Variants in TRPS1 observed in about 807,000 individuals in gnomAD.
The protein encoded by TRPS1 is zinc finger transcription factor Trps1.
In TRPS1, 6 loss-of-function variants were observed where a neutral mutation model predicts 101.2. That is an observed-to-expected ratio of 0.06 (90% CI 0.03 to 0.12). The LOEUF is 0.12. Ranked by LOEUF, TRPS1 falls within the 10% of genes least tolerant of loss-of-function variation. The pLI is 1.00. For missense variants in TRPS1, 1,363 were observed against 1,567.0 expected (o/e 0.87, Z 2.20); for synonymous variants, 578 against 589.8 (o/e 0.98, Z 0.29).
chr8:115,632,119 A>G (rs1452804367), intron 1 of TRPS1, among the ~76,000 whole-genome samples: 1 of 152,130 alleles, frequency 6.6e-6, no homozygotes, highest in Non-Finnish European at 1.5e-5. Context: ...GAGTACCATA[A>G]TCAGTAAAAT....
At chr8:115,661,159 A>G (rs961987544) in intron 1 of TRPS1, among the ~76,000 whole-genome samples, 1 of 152,048 alleles carries the variant, frequency 6.6e-6, no homozygotes, top group Admixed American at 6.6e-5. Flanking sequence ...TGGCATTTTG[A>G]TTTATAATTT....
chr8:115,665,611 C>T (rs1811903739), intron 1 of TRPS1, among the ~76,000 whole-genome samples: 1 of 152,080 alleles, frequency 6.6e-6, no homozygotes, highest in Non-Finnish European at 1.5e-5. Context: ...CACACTGATT[C>T]CGATCCTAAA....
rs67505193 is a variant in TRPS1, at chr8:115,498,415, CTATATATATATA to C, written c.2701-79975_2701-79964del. Among the ~76,000 whole-genome samples, 301 of 39,282 alleles carry C rather than the reference CTATATATATATA, an allele frequency of 7.7e-3. 5 individuals carry two copies. Among genetic ancestry groups the C allele is most frequent in the Middle Eastern group, 0.025 (1 of 40 alleles). The allele number at this position is 39,282 out of a possible 152,430, so 25.8% of individuals were successfully genotyped here. On this transcript the variant is annotated intron_variant, in intron 5 of 6. Coordinates refer to ENST00000395715, the MANE Select transcript of TRPS1 (RefSeq NM_014112.5). ...TCTCTCTCTCTCTCTCTCTCTCTCT[CTATATATATATA>C]TATATATATATATATATATATATAG...
chr8:115,652,085 G>T (rs765399308), intron 1 of TRPS1, among the ~76,000 whole-genome samples: 3 of 152,172 alleles, frequency 2.0e-5, no homozygotes, highest in Non-Finnish European at 4.4e-5. Context: ...AAAGTGCATA[G>T]ATTAAGAGAA....
At chr8:115,562,162 C>A (rs1296043547) in intron 5 of TRPS1, among the ~76,000 whole-genome samples, 1 of 151,880 alleles carries the variant, frequency 6.6e-6, no homozygotes, top group Non-Finnish European at 1.5e-5. Flanking sequence ...TCTTAACAAA[C>A]ATTGTAATTT....
intron 5 of TRPS1, among the ~76,000 whole-genome samples, chr8:115,529,475 A>G (rs1816079112): frequency 6.6e-6 from 1 of 152,140 alleles, no homozygotes; most frequent in Non-Finnish European, 1.5e-5. Context: ...AAATCACTGA[A>G]AAAGATTACT....
intron 5 of TRPS1, among the ~76,000 whole-genome samples, chr8:115,494,785 C>A (rs1015214685): frequency 6.6e-6 from 1 of 152,118 alleles, no homozygotes; most frequent in Non-Finnish European, 1.5e-5. Context: ...CAATATTACC[C>A]CAATTCTGAT....
chr8:115,464,053 GTAGT>G (rs1265052185), intron 5 of TRPS1, among the ~76,000 whole-genome samples: 2 of 150,804 alleles, frequency 1.3e-5, no homozygotes, highest in African/African-American at 4.9e-5. Flanking sequence ...TTACCTCTTA[GTAGT>G]TAGTACTTAG....
chr8:115,466,265 A>G (rs1321181800), intron 5 of TRPS1, among the ~76,000 whole-genome samples: 1 of 152,162 alleles, frequency 6.6e-6, no homozygotes, highest in South Asian at 2.1e-4. Flanking sequence ...GGATGATAGC[A>G]CTAATTATAT....
rs1239819974 is a variant in TRPS1, at chr8:115,452,298, A to T, written c.2701-33846T>A. On this transcript the variant is annotated intron_variant, in intron 5 of 6. Transcript: ENST00000395715. ...ACAATGTTTATAACTTTTACAGTCA[A>T]GCCTGGCTGCACATCTGCACAACAT... 2.0e-5 allele frequency among the ~76,000 whole-genome samples: 3 copies of T among 152,220 alleles called. No homozygotes were observed. The East Asian group carries it at 5.8e-4, about 29-fold the overall frequency.
intron 5 of TRPS1, among the ~76,000 whole-genome samples, chr8:115,514,726 C>A (rs1011527644): frequency 2.0e-5 from 3 of 151,396 alleles, no homozygotes; most frequent in African/African-American, 7.3e-5. Flanking sequence ...TATTACATGA[C>A]GCAATTCCAA....
At chr8:115,493,855 C>T (rs1441738148) in intron 5 of TRPS1, among the ~76,000 whole-genome samples, 3 of 151,986 alleles carry the variant, frequency 2.0e-5, no homozygotes, top group Middle Eastern at 3.4e-3. Context: ...TAAATAGATG[C>T]GTACATTAGT....
In TRPS1 at chr8:115,491,892, C is replaced by T. The variant is rs563348931; in HGVS notation, c.2701-73440G>A. On this transcript the variant is annotated intron_variant, in intron 5 of 6. Coordinates refer to ENST00000395715, the MANE Select transcript of TRPS1 (RefSeq NM_014112.5). The stretch of plus-strand genomic sequence containing the variant: ...GTATTTGAATGAATCCAAATACAAA[C>T]GAGTTAATATAAATTTTTATGATAA... 5.3e-5 allele frequency among the ~76,000 whole-genome samples: 8 copies of T among 152,002 alleles called. No individual in the cohort carries two copies. The East Asian group carries it at 7.7e-4, about 15-fold the overall frequency.
In TRPS1 at chr8:115,604,353, T is replaced by G; in HGVS notation, c.1616A>C (p.Gln539Pro). The G allele has an allele frequency of 6.2e-7, 1 of 1,614,090 alleles. No homozygotes were observed. Among genetic ancestry groups the G allele is most frequent in the Non-Finnish European group, 8.5e-7 (1 of 1,179,986 alleles). The change falls in exon 4 of 7, where the codon CAG becomes CCG. Residue 539 changes from glutamine (Q) to proline (P), a missense_variant. Transcript: ENST00000395715. This position sits in a 1 kb window ranked among gnomAD's most constrained non-coding sequence, Gnocchi z 4.1. ...TTTGGAATATCGGAAGTCACAGAAC[T>G]GACAATTATAGCTCGTTACCATATT... Reference protein sequence around the residue: ...EDNMVTSYNCQFCDFRYSKSH... With the variant: ...EDNMVTSYNCPFCDFRYSKSH...
intron 5 of TRPS1, among the ~76,000 whole-genome samples, chr8:115,432,516 T>C (rs1813347449): frequency 1.3e-5 from 2 of 151,934 alleles, no homozygotes; most frequent in African/African-American, 2.4e-5. Context: ...TAAATTTATT[T>C]TTTAAATGCA....
intron 1 of TRPS1, chr8:115,668,283 G>C: frequency 5.7e-6 from 1 of 174,322 alleles, no homozygotes; most frequent in Non-Finnish European, 1.2e-5. Flanking sequence ...AAGGAAGAAA[G>C]AAAATGCATG....
intron 1 of TRPS1, among the ~76,000 whole-genome samples, chr8:115,665,115 T>A (rs989869260): frequency 2.6e-5 from 4 of 152,202 alleles, no homozygotes; most frequent in African/African-American, 9.6e-5. Context: ...ATAATTATTC[T>A]AAAATATTCA....
In TRPS1 at chr8:115,619,115, C is replaced by T. The variant is rs753770006; in HGVS notation, c.966+17G>A. ...TAATAACTTTTTCTGTACAAAGAGA[C>T]AATACAAAGTACAAACCTGCACATC... On this transcript the variant is annotated intron_variant, in intron 3 of 6. Transcript: ENST00000395715. The T allele has an allele frequency of 2.5e-6, 4 of 1,613,176 alleles. No homozygotes were observed. Among genetic ancestry groups the T allele is most frequent in the Non-Finnish European group, 2.5e-6 (3 of 1,179,370 alleles).
intron 1 of TRPS1, among the ~76,000 whole-genome samples, chr8:115,650,501 C>A (rs1811535349): frequency 6.6e-6 from 1 of 152,206 alleles, no homozygotes; most frequent in East Asian, 1.9e-4. Context: ...GCTTAATTTT[C>A]CAGAGCTGTT....
Sources: gnomAD v4.1 joint callset for allele counts (sites outside exome capture counted in the v4.1 genomes callset) on GRCh38, gnomAD v4.1.1 for gene constraint, Gnocchi (gnomAD v3.1) non-coding constraint, MANE v1.5 for transcripts, NCBI Gene and HGNC (gene_info 2026-07-23, HGNC 2026-07-21) for gene names.